INPP5F: variants seen among roughly 807,000 people sequenced by gnomAD.
The protein encoded by INPP5F is inositol polyphosphate-5-phosphatase F.
Under a neutral mutation model 137.2 loss-of-function variants are expected in INPP5F, and 97 were observed. The observed-to-expected ratio is 0.71, with a 90% CI of 0.60 to 0.84. The LOEUF (loss-of-function observed/expected upper bound fraction) is 0.84, where lower values mean the gene tolerates loss of function less well. Among genes scored for constraint, INPP5F ranks in the 40% least tolerant of loss-of-function variants. The probability of loss-of-function intolerance (pLI) is 0.00; values close to 1 mark genes in which losing one functional copy is unlikely to be tolerated. For missense variants in INPP5F, 1,271 were observed against 1,371.9 expected, an observed-to-expected ratio of 0.93 and a Z score of 1.16; for synonymous variants, 504 against 476.9, an observed-to-expected ratio of 1.06 and a Z score of -0.74.
At chr10:119,820,781 A>G (rs1851528855) in intron 15 of INPP5F, 65 bp from the exon 16 acceptor site, 1 of 1,342,266 alleles carries the variant, frequency 7.5e-7, no homozygotes, top group Non-Finnish European at 1.1e-6. Context: ...TGCTGTAGAA[A>G]TATGCTTGGC....
intron 1 of INPP5F, among the ~76,000 whole-genome samples, chr10:119,734,925 C>T (rs1267970694): frequency 1.3e-5 from 2 of 152,070 alleles, no homozygotes; most frequent in African/African-American, 4.8e-5. Context: ...GTCAGCTGCC[C>T]ATAATTGAGC....
intron 2 of INPP5F, among the ~76,000 whole-genome samples, chr10:119,773,284 T>A (rs1849423172): frequency 6.6e-6 from 1 of 151,658 alleles, no homozygotes; most frequent in African/African-American, 2.4e-5. Context: ...CTCAAACTCC[T>A]GGACTCAAGC....
chr10:119,742,604 G>C (rs182240088), intron 1 of INPP5F, among the ~76,000 whole-genome samples: 153 of 152,368 alleles, frequency 1.0e-3, no homozygotes, highest in African/African-American at 3.5e-3. Flanking sequence ...GCATTTTGGA[G>C]TACCTGGGAT....
intron 6 of INPP5F, among the ~76,000 whole-genome samples, chr10:119,792,778 A>G (rs1589720138): frequency 1.3e-5 from 2 of 152,300 alleles, no homozygotes; most frequent in African/African-American, 4.8e-5. Context: ...TTGACTGTCT[A>G]AAGACAATTC....
chr10:119,732,734 C>T (rs1271068917), intron 1 of INPP5F, among the ~76,000 whole-genome samples: 1 of 152,054 alleles, frequency 6.6e-6, no homozygotes, highest in Non-Finnish European at 1.5e-5. Flanking sequence ...CTCCTGACCT[C>T]AGATGATCTG....
intron 3 of INPP5F, among the ~76,000 whole-genome samples, chr10:119,788,462 C>T (rs1165731646): frequency 4.6e-5 from 7 of 152,106 alleles, no homozygotes; most frequent in East Asian, 3.9e-4. Context: ...GGAAGGACCC[C>T]GAGAGATTGT....
Position 119,826,838 on chromosome 10 carries a change from C to T in INPP5F, c.2457C>T (p.Asn819=), listed in dbSNP as rs1207451445. The change falls in exon 20 of 20, where the codon AAC becomes AAT. Residue 819 remains asparagine, a synonymous_variant. Transcript: ENST00000650623. The part of the protein sequence containing the change: ...PEMKVNFLKP[N]LKVNLWKSDS... ...TGAAAGTTAACTTTCTAAAACCAAA[C>T]TTAAAAGTAAATCTTTGGAAATCAG... The T allele has an allele frequency of 6.2e-7, 1 of 1,613,470 alleles. No homozygotes were observed.
intron 2 of INPP5F, among the ~76,000 whole-genome samples, chr10:119,764,361 A>C (rs550077695): frequency 1.3e-5 from 2 of 152,160 alleles, no homozygotes; most frequent in African/African-American, 4.8e-5. Context: ...ACACACACAC[A>C]AACACACACA....
At chr10:119,737,016 A>T (rs926922943) in intron 1 of INPP5F, among the ~76,000 whole-genome samples, 1 of 151,986 alleles carries the variant, frequency 6.6e-6, no homozygotes, top group African/African-American at 2.4e-5. Context: ...TTTTATAGAG[A>T]CAGAGTCTTG....
At position 119,828,111 on chromosome 10, in the gene INPP5F, G is replaced by A. The variant is rs1478899237; in HGVS notation, c.*331G>A. 1 of 193,466 alleles carries A rather than the reference G, an allele frequency of 5.2e-6. No individual in the cohort carries two copies. Among genetic ancestry groups the A allele is most frequent in the Non-Finnish European group, 1.1e-5 (1 of 94,246 alleles). 12.0% of individuals were successfully genotyped at this position (193,466 alleles called of 1,614,324 possible). On this transcript the variant is annotated 3_prime_UTR_variant, in exon 20 of 20. Coordinates refer to ENST00000650623, the MANE Select transcript of INPP5F (RefSeq NM_014937.4). ...TAGACTACAGTAGACACAAGGGCTG[G>A]ACATGCAGATGCTTAGGGGATTAGC...
At position 119,827,685 on chromosome 10, in the gene INPP5F, AAG is replaced by A. The variant is rs1322586529; in HGVS notation, c.3307_3308del (p.Pro1104SerfsTer4). 1 of 1,613,810 alleles carries A rather than the reference AAG, an allele frequency of 6.2e-7. No homozygotes were observed. Among genetic ancestry groups the A allele is most frequent in the Non-Finnish European group, 8.5e-7 (1 of 1,179,776 alleles). ...GINFAVSKVQKSPPEPEIINQ... is the reference protein window; with the variant it reads ...GINFAVSKVQXSPPEPEIINQ... ...AAACTTTGCAGTGTCAAAAGTTCAG[AAG>A]AGTCCTCCAGAACCTGAAATCATTA... On this transcript the variant is annotated frameshift_variant, in exon 20 of 20. Transcript: ENST00000650623. LOFTEE classifies it high-confidence loss of function.
intron 6 of INPP5F, among the ~76,000 whole-genome samples, chr10:119,793,084 G>A (rs950684118): frequency 6.6e-6 from 1 of 152,170 alleles, no homozygotes; most frequent in Non-Finnish European, 1.5e-5. Flanking sequence ...AAACCCAGTG[G>A]TAGAGGAGAA....
intron 2 of INPP5F, among the ~76,000 whole-genome samples, chr10:119,765,741 CTGTG>C (rs34906556): frequency 0.28 from 35,984 of 127,356 alleles, 5,387 homozygotes; most frequent in Non-Finnish European, 0.34. Flanking sequence ...CAAGGGTAAA[CTGTG>C]TGTGTGTGTG....
intron 2 of INPP5F, among the ~76,000 whole-genome samples, chr10:119,773,944 A>G (rs546592103): frequency 6.6e-6 from 1 of 152,256 alleles, no homozygotes; most frequent in East Asian, 1.9e-4. Flanking sequence ...TTACGCATTT[A>G]GTCTTTCAAG....
chr10:119,797,892 A>G (rs1335244754), intron 8 of INPP5F, among the ~76,000 whole-genome samples: 1 of 152,258 alleles, frequency 6.6e-6, no homozygotes, highest in Non-Finnish European at 1.5e-5. Context: ...TTAAATTGCT[A>G]TCGCTTTGAA....
intron 2 of INPP5F, among the ~76,000 whole-genome samples, chr10:119,753,371 A>G (rs139892935): frequency 3.3e-5 from 5 of 152,340 alleles, no homozygotes; most frequent in African/African-American, 1.2e-4. Context: ...ATCTCTTGTT[A>G]TGTAACAAGC....
intron 13 of INPP5F, among the ~76,000 whole-genome samples, chr10:119,808,625 T>C (rs889993086): frequency 2.1e-4 from 32 of 152,242 alleles, no homozygotes; most frequent in African/African-American, 7.0e-4. Flanking sequence ...TTTTAGTTAC[T>C]GTTAAAAGTA....
chr10:119,738,929 C>T (rs1848296439), intron 1 of INPP5F, among the ~76,000 whole-genome samples: 1 of 151,954 alleles, frequency 6.6e-6, no homozygotes, highest in Non-Finnish European at 1.5e-5. Context: ...TGCCTGTAAT[C>T]CCAGCATTTT....
Position 119,733,149 on chromosome 10 carries a change from C to T in INPP5F, c.97+6790C>T, listed in dbSNP as rs1284125308. The stretch of plus-strand genomic sequence containing the variant: ...GCTATCCTAATCATTATAGTGTAGC[C>T]TATATGGAGAATTAAATAGCCTCTC... On this transcript the variant is annotated intron_variant, in intron 1 of 19. Coordinates refer to ENST00000650623, the MANE Select transcript of INPP5F (RefSeq NM_014937.4). Among the ~76,000 whole-genome samples, 4 of 152,202 alleles carry T rather than the reference C, an allele frequency of 2.6e-5. No homozygotes were observed. In the East Asian group the frequency reaches 7.7e-4, roughly 29 times the overall value.
Sources: allele counts gnomAD v4.1 joint callset (sites outside exome capture counted in the v4.1 genomes callset), GRCh38; gene constraint gnomAD v4.1.1; transcripts MANE v1.5; gene names NCBI Gene and HGNC (gene_info 2026-07-23, HGNC 2026-07-21).